The following LYPD6B variants were observed in gnomAD, a reference collection of about 807,000 sequenced individuals.
The protein encoded by LYPD6B is LY6/PLAUR domain containing 6B.
A neutral mutation model predicts 22.8 loss-of-function variants in LYPD6B; 17 were observed. The ratio of observed to expected loss-of-function variants is 0.75; its 90% CI spans 0.51 to 1.12. LYPD6B has a LOEUF of 1.12. Ranked by LOEUF, LYPD6B falls within the 50% of genes most tolerant of loss-of-function variation. The pLI is 0.00. For missense variants in LYPD6B, 221 were observed against 258.3 expected (o/e 0.86, Z 0.99); for synonymous variants, 106 against 91.6 (o/e 1.16, Z -0.90).
intron 1 of LYPD6B, among the ~76,000 whole-genome samples, chr2:149,044,637 A>C (rs1034306826): frequency 1.3e-5 from 2 of 152,020 alleles, no homozygotes; most frequent in Non-Finnish European, 2.9e-5. Context: ...ATTGCAGTAC[A>C]ATGTTGAATA....
At chr2:149,205,577 T>C (rs1170307960) in intron 4 of LYPD6B, among the ~76,000 whole-genome samples, 173 bp downstream of exon 4, 1 of 152,230 alleles carries the variant, frequency 6.6e-6, no homozygotes, top group African/African-American at 2.4e-5. Context: ...AAGTGAAATT[T>C]TCTCCATTTC....
chr2:149,168,211 C>CA (rs386391472), intron 3 of LYPD6B, among the ~76,000 whole-genome samples: 3,468 of 47,588 alleles, frequency 0.073, 331 homozygotes, highest in African/African-American at 0.2. Flanking sequence ...GGCTCTGTCT[C>CA]AAAAAAAAAA....
chr2:149,179,493 A>G (rs1691558001), intron 3 of LYPD6B, among the ~76,000 whole-genome samples: 1 of 152,254 alleles, frequency 6.6e-6, no homozygotes, highest in Non-Finnish European at 1.5e-5. Context: ...TCTATAGCTC[A>G]GATCAGTATA....
chr2:149,153,385 A>G (rs564323182), intron 2 of LYPD6B, among the ~76,000 whole-genome samples: 1 of 152,258 alleles, frequency 6.6e-6, no homozygotes, highest in African/African-American at 2.4e-5. Flanking sequence ...ATTTGGTTCA[A>G]TGCCACTGAA....
At chr2:149,180,886 C>A (rs866260371) in intron 3 of LYPD6B, among the ~76,000 whole-genome samples, 2 of 152,200 alleles carry the variant, frequency 1.3e-5, no homozygotes, top group Non-Finnish European at 2.9e-5. Flanking sequence ...TTAAAAAGGC[C>A]TCTCAGTGGG....
intron 3 of LYPD6B, among the ~76,000 whole-genome samples, chr2:149,180,150 A>C (rs1415346292): frequency 6.6e-6 from 1 of 152,222 alleles, no homozygotes; most frequent in Non-Finnish European, 1.5e-5. Context: ...CTCGATAAAC[A>C]TAGTTAAGGT....
Position 149,199,734 on chromosome 2 carries a change from TGTG to T in LYPD6B, c.78-5517_78-5515del, listed in dbSNP as rs1559073595. 3.9e-5 allele frequency among the ~76,000 whole-genome samples: 6 copies of T among 152,236 alleles called. No homozygotes were observed. In the South Asian group the frequency reaches 8.3e-4, roughly 21 times the overall value. On this transcript the variant is annotated intron_variant, in intron 3 of 6. Transcript: ENST00000409642. Reference sequence around the variant, plus strand: ...AATTAAAATAATTCATATTTAAACTTGTGGGGGAAAACAACACTCCATGTACCA... The same window carrying T: ...AATTAAAATAATTCATATTTAAACTTGGGGAAAACAACACTCCATGTACCA...
At chr2:149,045,538 A>G (rs1298540012) in intron 1 of LYPD6B, among the ~76,000 whole-genome samples, 1 of 152,092 alleles carries the variant, frequency 6.6e-6, no homozygotes, top group African/African-American at 2.4e-5. Context: ...TTAATGCTAT[A>G]CATTTCCCTC....
At chr2:149,180,196 C>A (rs1189058324) in intron 3 of LYPD6B, among the ~76,000 whole-genome samples, 3 of 152,164 alleles carry the variant, frequency 2.0e-5, no homozygotes, top group African/African-American at 4.8e-5. Context: ...GTGGGGAATA[C>A]TTTTTTAGGA....
intron 1 of LYPD6B, among the ~76,000 whole-genome samples, chr2:149,100,798 T>C (rs1356848428): frequency 3.9e-5 from 6 of 152,214 alleles, no homozygotes; most frequent in Non-Finnish European, 7.3e-5. Context: ...TAGAATCCTC[T>C]TTTAAAAATT....
chr2:149,162,027 AC>A (rs1690097834), intron 3 of LYPD6B, among the ~76,000 whole-genome samples: 1 of 152,140 alleles, frequency 6.6e-6, no homozygotes, highest in Non-Finnish European at 1.5e-5. Flanking sequence ...CTAGTAAGAA[AC>A]CCAGAGGACT....
At chr2:149,091,549 A>G (rs2170606) in intron 1 of LYPD6B, among the ~76,000 whole-genome samples, 48,877 of 151,736 alleles carry the variant, frequency 0.32, 8,379 homozygotes, top group Non-Finnish European at 0.34. Flanking sequence ...TCTGAGTAGG[A>G]CAAATCCAAG....
intron 1 of LYPD6B, among the ~76,000 whole-genome samples, chr2:149,085,598 C>T (rs1440524790): frequency 6.6e-6 from 1 of 152,170 alleles, no homozygotes; most frequent in East Asian, 1.9e-4. Context: ...TAACTGTTGG[C>T]AACAAGCTTA....
chr2:149,147,828 G>C (rs925320695), intron 2 of LYPD6B, among the ~76,000 whole-genome samples: 3 of 151,666 alleles, frequency 2.0e-5, no homozygotes, highest in Non-Finnish European at 2.9e-5. Flanking sequence ...GTGATGCTTT[G>C]GTGTGACTAT....
intron 1 of LYPD6B, among the ~76,000 whole-genome samples, chr2:149,065,215 A>G (rs1399364027): frequency 3.3e-5 from 5 of 152,220 alleles, no homozygotes; most frequent in Admixed American, 6.5e-5. Context: ...CAACAAAATC[A>G]TTGTAGGAAA....
chr2:149,199,778 T>C (rs1693040276), intron 3 of LYPD6B, among the ~76,000 whole-genome samples: 1 of 152,170 alleles, frequency 6.6e-6, no homozygotes, highest in African/African-American at 2.4e-5. Context: ...AGAGAACCTA[T>C]TGGCAAAGAG....
Position 149,213,110 on chromosome 2 carries a change from T to C in LYPD6B, c.447T>C (p.Asp149=). 6.2e-7 allele frequency: 1 copy of C among 1,613,456 alleles called. No individual in the cohort carries two copies. The highest frequency in any genetic ancestry group is 8.5e-7 in the Non-Finnish European group (1 of 1,179,696). ...TTGTCGGTTGCCACCACAGCCGAGA[T>C]TCTGAACATACGGTAAGGATCGTGT... ...CHFVGCHHSR[D]SEHTECRSCC... Residue 149 remains aspartate, a synonymous_variant, in exon 6 of 7, where the codon GAT becomes GAC. Coordinates refer to ENST00000409642, the MANE Select transcript of LYPD6B (RefSeq NM_177964.5).
chr2:149,073,760 C>G (rs1684753874), intron 1 of LYPD6B, among the ~76,000 whole-genome samples: 2 of 151,972 alleles, frequency 1.3e-5, no homozygotes, highest in Non-Finnish European at 2.9e-5. Flanking sequence ...CAGGGTGATG[C>G]ACTCAGATTC....
intron 2 of LYPD6B, among the ~76,000 whole-genome samples, chr2:149,134,894 A>G (rs1222786059): frequency 6.6e-6 from 1 of 152,246 alleles, no homozygotes; most frequent in African/African-American, 2.4e-5. Flanking sequence ...AATATTTTAA[A>G]ACCAAAGTTA....
Sources: gnomAD v4.1 joint callset for allele counts (sites outside exome capture counted in the v4.1 genomes callset) on GRCh38, gnomAD v4.1.1 for gene constraint, MANE v1.5 for transcripts, NCBI Gene and HGNC (gene_info 2026-07-23, HGNC 2026-07-21) for gene names.